Variants in SERINC5 observed in about 807,000 individuals in gnomAD.
The protein encoded by SERINC5 is chromosome 5 open reading frame 12.
In SERINC5, 41 loss-of-function variants were observed where a neutral mutation model predicts 63.1. The ratio of observed to expected loss-of-function variants is 0.65; its 90% CI spans 0.51 to 0.84. The LOEUF (loss-of-function observed/expected upper bound fraction) is 0.84, where lower values mean the gene tolerates loss of function less well. SERINC5 is among the 40% of genes least tolerant of loss of function. SERINC5 has a pLI of 0.00. For synonymous variants in SERINC5, 222 were observed against 215.2 expected, an observed-to-expected ratio of 1.03 and a Z score of -0.28; for missense variants, 523 against 573.0, an observed-to-expected ratio of 0.91 and a Z score of 0.89.
chr5:80,190,106 CTTTTTT>C (rs11422784), intron 2 of SERINC5, among the ~76,000 whole-genome samples: 2 of 93,242 alleles, frequency 2.1e-5, no homozygotes, highest in Admixed American at 1.4e-4. Flanking sequence ...GTCTCCCGTA[CTTTTTT>C]TTTTTTTTTT....
intron 5 of SERINC5, among the ~76,000 whole-genome samples, chr5:80,171,163 CCAT>C (rs1206412946): frequency 2.6e-5 from 4 of 152,032 alleles, no homozygotes; most frequent in Admixed American, 6.6e-5. Context: ...GTATCCACCA[CCAT>C]GCCGGGCTAA....
At chr5:80,136,284 C>CAA (rs11348009), downstream of SERINC5, among the ~76,000 whole-genome samples, 4 of 150,476 alleles carry the variant, frequency 2.7e-5, no homozygotes, top group African/African-American at 9.8e-5. Flanking sequence ...CTCAAAAAAA[C>CAA]AAAAAAAAAT....
Position 80,177,188 on chromosome 5 carries a change from T to C in SERINC5, c.457+127A>G. The C allele has an allele frequency of 6.1e-6, 4 of 659,692 alleles. No individual in the cohort carries two copies. The East Asian group carries it at 8.3e-5, about 14-fold the overall frequency. 40.9% of individuals were successfully genotyped at this position (659,692 alleles called of 1,614,324 possible). On this transcript the variant is annotated intron_variant, in intron 4 of 11. Transcript: ENST00000507668. ...AAAGTATGGGCAGGTAAGTCAGGAATTTCTTTTGAAGCCAAAAGAAAATCA... is the reference window on the plus strand; with the variant it reads ...AAAGTATGGGCAGGTAAGTCAGGAACTTCTTTTGAAGCCAAAAGAAAATCA...
At chr5:80,167,989 T>C (rs1747413986) in intron 6 of SERINC5, among the ~76,000 whole-genome samples, 1 of 152,224 alleles carries the variant, frequency 6.6e-6, no homozygotes, top group Non-Finnish European at 1.5e-5. Flanking sequence ...AATAAGATTT[T>C]CCTTAGCACC....
intron 11 of SERINC5, chr5:80,113,662 C>T (rs115515693): frequency 0.01 from 2,574 of 247,676 alleles, 35 homozygotes; most frequent in Middle Eastern, 0.064. Flanking sequence ...GAGGGAGAAG[C>T]AAAAGCAGAA....
At chr5:80,161,023 TATATACACAC>T (rs1425721063) in intron 7 of SERINC5, among the ~76,000 whole-genome samples, 17 of 123,736 alleles carry the variant, frequency 1.4e-4, no homozygotes, top group African/African-American at 6.6e-4. Flanking sequence ...TACGTGTATA[TATATACACAC>T]GTGTATATAT....
chr5:80,173,543 C>A (rs1747818206), intron 5 of SERINC5, among the ~76,000 whole-genome samples: 1 of 152,080 alleles, frequency 6.6e-6, no homozygotes, highest in South Asian at 2.1e-4. Flanking sequence ...TTGCAGTGAG[C>A]CGAGATTGTG....
intron 1 of SERINC5, among the ~76,000 whole-genome samples, chr5:80,247,362 C>A (rs933533711): frequency 5.3e-5 from 8 of 152,046 alleles, no homozygotes; most frequent in Non-Finnish European, 1.0e-4. Flanking sequence ...AGCCTCTATA[C>A]AGAAAACGAG....
At position 80,147,257 on chromosome 5, in the gene SERINC5, G is replaced by C. The variant is rs1250140945; in HGVS notation, c.1081C>G (p.Pro361Ala). ...GCGCTCTGCTTACCCTCTCCACCAGGACTGAAGCAAAAACAACAGCGAGCT... is the reference window on the plus strand; with the variant it reads ...GCGCTCTGCTTACCCTCTCCACCAGCACTGAAGCAAAAACAACAGCGAGCT... Reference protein sequence around the residue: ...EIARCCFCFSPGGEDTEEQQP... With the variant: ...EIARCCFCFSAGGEDTEEQQP... Residue 361 changes from proline (P) to alanine (A), a missense_variant, in exon 10 of 12, where the codon CCT (proline) becomes GCT (alanine). Pro to Ala is a conservative substitution (Grantham distance 27). Transcript: ENST00000507668. The C allele has an allele frequency of 1.2e-6, 2 of 1,604,342 alleles. No homozygotes were observed. The highest frequency in any genetic ancestry group is 2.7e-5 in the African/African-American group (2 of 74,722).
intron 1 of SERINC5, among the ~76,000 whole-genome samples, chr5:80,237,757 G>GA (rs1032484554): frequency 2.3e-3 from 328 of 143,450 alleles, no homozygotes; most frequent in African/African-American, 6.5e-3. Flanking sequence ...CCCTCTGCAA[G>GA]AAAAAAAAAA....
chr5:80,167,114 T>C (rs112951577), intron 6 of SERINC5: 2,268 of 152,464 alleles, frequency 0.015, 53 homozygotes, highest in African/African-American at 0.051. Context: ...TTTAGGGGTG[T>C]ATGTGCAGGT....
chr5:80,192,758 T>C (rs1017847077), intron 2 of SERINC5, among the ~76,000 whole-genome samples: 16 of 152,214 alleles, frequency 1.1e-4, no homozygotes, highest in African/African-American at 3.4e-4. Context: ...CTTATGATTA[T>C]GCTCAGCCCT....
At chr5:80,153,484 T>A (rs908049098) in intron 8 of SERINC5, among the ~76,000 whole-genome samples, 4 of 151,290 alleles carry the variant, frequency 2.6e-5, no homozygotes, top group Admixed American at 6.6e-5. Context: ...GTTTTTTTTT[T>A]ATAAGCTCTT....
downstream of SERINC5, chr5:80,138,710 T>G (rs910950080): frequency 1.2e-5 from 7 of 566,814 alleles, no homozygotes; most frequent in African/African-American, 1.4e-4. Flanking sequence ...AATATATACA[T>G]ATTTCAAAAC....
intron 1 of SERINC5, among the ~76,000 whole-genome samples, chr5:80,225,396 A>G (rs371306799): frequency 1.8e-4 from 27 of 152,316 alleles, no homozygotes; most frequent in African/African-American, 6.3e-4. Flanking sequence ...GCAATACTTT[A>G]TAATGTTTAA....
chr5:80,196,319 C>G (rs35754326), intron 2 of SERINC5, among the ~76,000 whole-genome samples: 14,324 of 152,064 alleles, frequency 0.094, 870 homozygotes, highest in Non-Finnish European at 0.14. Context: ...ATGACCACCT[C>G]ACACACACTA....
chr5:80,241,508 C>T (rs959878169), intron 1 of SERINC5, among the ~76,000 whole-genome samples: 1 of 151,952 alleles, frequency 6.6e-6, no homozygotes, highest in African/African-American at 2.4e-5. Flanking sequence ...CATATAAACA[C>T]AGTGAAAAAT....
chr5:80,124,953 G>T, intron 11 of SERINC5, among the ~76,000 whole-genome samples: 1 of 152,134 alleles, frequency 6.6e-6, no homozygotes, highest in South Asian at 2.1e-4. Context: ...GAAGAGGGAT[G>T]GTTCCAACCA....
intron 12 of SERINC5, among the ~76,000 whole-genome samples, chr5:80,113,045 T>A (rs1025375608): frequency 2.0e-5 from 3 of 152,216 alleles, no homozygotes; most frequent in Admixed American, 2.0e-4. Flanking sequence ...CTTGCCCTAT[T>A]TGGGGCCATT....
Sources: allele counts gnomAD v4.1 joint callset (sites outside exome capture counted in the v4.1 genomes callset), GRCh38; gene constraint gnomAD v4.1.1; transcripts MANE v1.5; gene names NCBI Gene and HGNC (gene_info 2026-07-23, HGNC 2026-07-21).